The following EXOC4 variants were observed in gnomAD, a reference collection of about 807,000 sequenced individuals.
EXOC4 encodes the protein exocyst complex component 4.
In EXOC4, 71 loss-of-function variants were observed where a neutral mutation model predicts 107.2. The observed-to-expected ratio is 0.66, with a 90% confidence interval of 0.55 to 0.81. The LOEUF is 0.81. EXOC4 is among the 30% of genes least tolerant of loss of function. The pLI is 0.00. For missense variants in EXOC4, 1,108 were observed against 1,189.6 expected, an observed-to-expected ratio of 0.93 and a Z score of 1.01; for synonymous variants, 456 against 441.2, an observed-to-expected ratio of 1.03 and a Z score of -0.42.
At chr7:133,657,173 A>G (rs1415660062) in intron 10 of EXOC4, among the ~76,000 whole-genome samples, 1 of 152,182 alleles carries the variant, frequency 6.6e-6, no homozygotes, top group Non-Finnish European at 1.5e-5. Context: ...ATGTGAATGA[A>G]GTTCAGCAAA....
chr7:133,274,032 A>G (rs972733199), intron 1 of EXOC4, among the ~76,000 whole-genome samples: 2 of 152,206 alleles, frequency 1.3e-5, no homozygotes, highest in African/African-American at 4.8e-5. Flanking sequence ...TCCAAGAAAG[A>G]TAGTGGGGGA....
intron 10 of EXOC4, among the ~76,000 whole-genome samples, chr7:133,684,189 G>A (rs993553429): frequency 1.3e-5 from 2 of 152,156 alleles, no homozygotes; most frequent in African/African-American, 4.8e-5. Context: ...GCTCAGAAAA[G>A]ATGTCTCAGG....
At chr7:133,628,564 A>G (rs1361734861) in intron 9 of EXOC4, among the ~76,000 whole-genome samples, 1 of 152,204 alleles carries the variant, frequency 6.6e-6, no homozygotes, top group Admixed American at 6.5e-5. Flanking sequence ...GAACTTCATT[A>G]TAGTGGCAAG....
chr7:133,622,266 C>A (rs1431166644), intron 9 of EXOC4, among the ~76,000 whole-genome samples: 1 of 152,180 alleles, frequency 6.6e-6, no homozygotes, highest in Admixed American at 6.6e-5. Flanking sequence ...TGAGCCGTCA[C>A]ACCTGGCCGA....
intron 5 of EXOC4, among the ~76,000 whole-genome samples, chr7:133,319,246 T>C (rs1056440178): frequency 5.9e-5 from 9 of 152,228 alleles, no homozygotes; most frequent in Admixed American, 6.5e-5. Flanking sequence ...AATATGCCAG[T>C]TACGGCAAAT....
chr7:134,070,199 G>C (rs1036426276), downstream of EXOC4, among the ~76,000 whole-genome samples: 4 of 152,196 alleles, frequency 2.6e-5, no homozygotes, highest in Admixed American at 6.5e-5. Flanking sequence ...GGCTCGGCAA[G>C]GTGTCAACCC....
intron 11 of EXOC4, among the ~76,000 whole-genome samples, chr7:133,858,385 T>C (rs934606056): frequency 3.9e-5 from 6 of 151,966 alleles, no homozygotes; most frequent in Admixed American, 3.3e-4. Context: ...TGCTGATTGG[T>C]TCATGGTTGG....
chr7:133,796,488 G>C (rs1268427993), intron 10 of EXOC4, among the ~76,000 whole-genome samples: 1 of 152,116 alleles, frequency 6.6e-6, no homozygotes, highest in Non-Finnish European at 1.5e-5. Context: ...CGGGCGCGGT[G>C]GTGGCTCACC....
chr7:133,717,181 C>T (rs181449105), intron 10 of EXOC4, among the ~76,000 whole-genome samples: 1 of 152,264 alleles, frequency 6.6e-6, no homozygotes, highest in East Asian at 1.9e-4. Context: ...TTTAAGGTGG[C>T]TACTGCCAAA....
intron 14 of EXOC4, among the ~76,000 whole-genome samples, chr7:133,969,691 G>C (rs1054581787): frequency 2.0e-5 from 3 of 152,204 alleles, no homozygotes; most frequent in African/African-American, 7.2e-5. Context: ...AAAGATTGCT[G>C]CCTGTTCCTT....
chr7:133,648,219 T>G (rs1334883470), intron 10 of EXOC4, among the ~76,000 whole-genome samples: 1 of 152,216 alleles, frequency 6.6e-6, no homozygotes, highest in East Asian at 1.9e-4. Context: ...AGAGGAGCAC[T>G]TAAATATTTT....
At chr7:133,721,305 C>G (rs1021283042) in intron 10 of EXOC4, among the ~76,000 whole-genome samples, 1 of 152,110 alleles carries the variant, frequency 6.6e-6, no homozygotes, top group South Asian at 2.1e-4. Context: ...TCAGACATAC[C>G]TTTTGAGTGT....
intron 7 of EXOC4, among the ~76,000 whole-genome samples, chr7:133,411,219 G>T (rs1162361534): frequency 6.6e-6 from 1 of 152,176 alleles, no homozygotes; most frequent in Non-Finnish European, 1.5e-5. Context: ...GCAAATAGAT[G>T]TATGTAGATT....
intron 10 of EXOC4, among the ~76,000 whole-genome samples, chr7:133,721,418 G>T (rs1439044874): frequency 6.6e-6 from 1 of 152,104 alleles, no homozygotes; most frequent in Non-Finnish European, 1.5e-5. Context: ...TTTGAAACCA[G>T]GGTGGTGTGT....
At chr7:133,797,631 A>C (rs1186398644) in intron 10 of EXOC4, among the ~76,000 whole-genome samples, 1 of 152,180 alleles carries the variant, frequency 6.6e-6, no homozygotes, top group South Asian at 2.1e-4. Flanking sequence ...CGGTGGCTGC[A>C]TGTGTCTGGT....
Position 133,969,722 on chromosome 7 carries a change from G to C in EXOC4, c.2207-27770G>C, listed in dbSNP as rs189345923. Among the ~76,000 whole-genome samples, 39 of 152,294 alleles carry C rather than the reference G, an allele frequency of 2.6e-4. No individual in the cohort carries two copies. The East Asian group carries it at 7.3e-3, about 29-fold the overall frequency. ...TCCTTCCTCTGGAAGTTTTGTCCCAGAGGGGCACCTGCCAGATGCCAGCTG... is the reference window on the plus strand; with the variant it reads ...TCCTTCCTCTGGAAGTTTTGTCCCACAGGGGCACCTGCCAGATGCCAGCTG... On this transcript the variant is annotated intron_variant, in intron 14 of 17. Coordinates refer to ENST00000253861, the MANE Select transcript of EXOC4 (RefSeq NM_021807.4).
At chr7:133,580,082 A>G (rs982751086) in intron 9 of EXOC4, among the ~76,000 whole-genome samples, 2 of 152,200 alleles carry the variant, frequency 1.3e-5, no homozygotes, top group African/African-American at 4.8e-5. Context: ...GGCTTATTTC[A>G]CTTAGCGTAA....
chr7:133,754,074 A>G (rs1347805702), intron 10 of EXOC4, among the ~76,000 whole-genome samples: 2 of 152,232 alleles, frequency 1.3e-5, no homozygotes, highest in Admixed American at 1.3e-4. Flanking sequence ...CAACGAAAGT[A>G]GTTTATTATA....
intron 17 of EXOC4, among the ~76,000 whole-genome samples, chr7:134,052,486 T>C (rs1156615918): frequency 6.6e-6 from 1 of 152,122 alleles, no homozygotes; most frequent in Non-Finnish European, 1.5e-5. Context: ...TGATTTTTTT[T>C]TTTTAATGTA....
Sources: allele counts gnomAD v4.1 joint callset (sites outside exome capture counted in the v4.1 genomes callset), GRCh38; gene constraint gnomAD v4.1.1; transcripts MANE v1.5; gene names NCBI Gene and HGNC (gene_info 2026-07-23, HGNC 2026-07-21).